Variants in FMN2 observed in about 807,000 individuals in gnomAD.
The protein encoded by FMN2 is formin 2, also known as formin-2.
In FMN2, 51 loss-of-function variants were observed where a neutral mutation model predicts 142.3. The ratio of observed to expected loss-of-function variants is 0.36; its 90% CI spans 0.29 to 0.45. The LOEUF (loss-of-function observed/expected upper bound fraction) is 0.45, where lower values mean the gene tolerates loss of function less well. Among genes scored for constraint, FMN2 ranks in the 20% least tolerant of loss-of-function variants. The pLI is 1.00. For missense variants in FMN2, 1,936 were observed against 2,122.8 expected (o/e 0.91, Z 1.73); for synonymous variants, 882 against 869.8 (o/e 1.01, Z -0.25).
At chr1:240,345,580 CTT>C (rs905985621) in intron 13 of FMN2, among the ~76,000 whole-genome samples, 5 of 152,110 alleles carry the variant, frequency 3.3e-5, no homozygotes, top group African/African-American at 1.2e-4. Context: ...AAGCAATTCT[CTT>C]GTCTTATCCT....
Position 240,438,809 on chromosome 1 carries a change from T to C in FMN2, c.5060+599T>C, listed in dbSNP as rs547173786. On this transcript the variant is annotated intron_variant, in intron 16 of 17. Transcript: ENST00000319653. ...AATTCCATAGAGGCATATTACATATTAAGTAATGAAGAAGGCTAGCCCTCC... is the reference window on the plus strand; with the variant it reads ...AATTCCATAGAGGCATATTACATATCAAGTAATGAAGAAGGCTAGCCCTCC... Among the ~76,000 whole-genome samples, 8 of 152,320 alleles carry C rather than the reference T, an allele frequency of 5.3e-5. No homozygotes were observed. In the South Asian group the frequency reaches 1.2e-3, roughly 24 times the overall value.
At chr1:240,222,858 G>A (rs1445550184) in intron 6 of FMN2, among the ~76,000 whole-genome samples, 1 of 152,214 alleles carries the variant, frequency 6.6e-6, no homozygotes, top group Non-Finnish European at 1.5e-5. Context: ...CTGAGACTTT[G>A]CTGAAGTTGC....
chr1:240,464,916 A>C (rs1050393947), intron 16 of FMN2, among the ~76,000 whole-genome samples: 1 of 152,178 alleles, frequency 6.6e-6, no homozygotes, highest in Non-Finnish European at 1.5e-5. Context: ...GTGCAAGCGC[A>C]GTGTTTTCTC....
At chr1:240,094,021 C>T (rs1661112190) in intron 1 of FMN2, among the ~76,000 whole-genome samples, 1 of 152,210 alleles carries the variant, frequency 6.6e-6, no homozygotes, top group Non-Finnish European at 1.5e-5. Context: ...TTTCGGGTCA[C>T]GCCAGGGAGA....
chr1:240,292,134 TA>T (rs1558415978), intron 7 of FMN2, among the ~76,000 whole-genome samples: 2 of 152,186 alleles, frequency 1.3e-5, no homozygotes, highest in Non-Finnish European at 2.9e-5. Flanking sequence ...CAGCATCTTG[TA>T]AAAATAATAT....
intron 1 of FMN2, among the ~76,000 whole-genome samples, chr1:240,106,878 T>C (rs185070834): frequency 6.9e-4 from 104 of 151,774 alleles, no homozygotes; most frequent in African/African-American, 2.4e-3. Context: ...GAGACGAGGT[T>C]TCACCATGTT....
In FMN2 at chr1:240,323,486, C is replaced by T. The variant is rs1042060730; in HGVS notation, c.4216-5590C>T. ...GCTGAGATTACAGGCGTGAGCCATG[C>T]CCCTGGCCCAGACCTTTGACCTTTT... On this transcript the variant is annotated intron_variant, in intron 8 of 17. Coordinates refer to ENST00000319653, the MANE Select transcript of FMN2 (RefSeq NM_020066.5). Among the ~76,000 whole-genome samples, 6 of 152,138 alleles carry T rather than the reference C, an allele frequency of 3.9e-5. No homozygotes were observed. In the East Asian group the frequency reaches 1.2e-3, roughly 29 times the overall value.
chr1:240,429,648 C>G (rs1209644970), intron 15 of FMN2, among the ~76,000 whole-genome samples: 1 of 152,146 alleles, frequency 6.6e-6, no homozygotes, highest in Non-Finnish European at 1.5e-5. Flanking sequence ...TATGCATGGA[C>G]TTTTATAAGT....
chr1:240,223,521 C>T (rs1667194084), intron 6 of FMN2, among the ~76,000 whole-genome samples: 1 of 152,256 alleles, frequency 6.6e-6, no homozygotes, highest in African/African-American at 2.4e-5. Context: ...GGCAGAGTCC[C>T]TCTTTTTCTA....
At chr1:240,228,531 A>G (rs1053065176) in intron 6 of FMN2, among the ~76,000 whole-genome samples, 1 of 152,026 alleles carries the variant, frequency 6.6e-6, no homozygotes, top group Non-Finnish European at 1.5e-5. Flanking sequence ...GAGAAAGGCC[A>G]TAGCTAGCAT....
chr1:240,204,126 GC>G (rs1232703823), intron 4 of FMN2, among the ~76,000 whole-genome samples: 2 of 151,742 alleles, frequency 1.3e-5, no homozygotes, highest in Non-Finnish European at 2.9e-5. Context: ...CATAGTAAGG[GC>G]TACTTCTTTT....
At chr1:240,268,347 A>G (rs1354630697) in intron 7 of FMN2, among the ~76,000 whole-genome samples, 4 of 152,234 alleles carry the variant, frequency 2.6e-5, no homozygotes, top group Middle Eastern at 6.8e-3. Flanking sequence ...ACAGATAAGT[A>G]TGAGAATTAT....
At position 240,383,607 on chromosome 1, in the gene FMN2, A is replaced by T. The variant is rs556897593; in HGVS notation, c.4859-8904A>T. ...CCAAAAACAGCAGAGGTAGACATGG[A>T]TGTGCAGAAAAGGGAATAGTTATAT... On this transcript the variant is annotated intron_variant, in intron 14 of 17. Transcript: ENST00000319653. Among the ~76,000 whole-genome samples, 3 of 152,276 alleles carry T rather than the reference A, an allele frequency of 2.0e-5. No individual in the cohort carries two copies. The South Asian group carries it at 6.2e-4, about 32-fold the overall frequency.
chr1:240,142,788 G>A, intron 2 of FMN2: 1 of 1,587,902 alleles, frequency 6.3e-7, no homozygotes, highest in Non-Finnish European at 8.6e-7. Context: ...CACTGGGGTT[G>A]TATGTGTCTG....
At chr1:240,215,141 G>T (rs562795561) in intron 6 of FMN2, among the ~76,000 whole-genome samples, 1 of 152,230 alleles carries the variant, frequency 6.6e-6, no homozygotes, top group African/African-American at 2.4e-5. Context: ...TTGATAATAA[G>T]GGTTGCATAG....
chr1:240,281,115 C>T (rs1187561950), intron 7 of FMN2, among the ~76,000 whole-genome samples: 1 of 152,136 alleles, frequency 6.6e-6, no homozygotes, highest in East Asian at 1.9e-4. Context: ...TGTATGAAGC[C>T]TACCGACTTA....
At chr1:240,337,100 T>TGGGA (rs1296632134) in intron 13 of FMN2, among the ~76,000 whole-genome samples, 1 of 151,764 alleles carries the variant, frequency 6.6e-6, no homozygotes, top group Non-Finnish European at 1.5e-5. Flanking sequence ...TCTGACTAAA[T>TGGGA]GGGAGTCAAA....
At chr1:240,387,789 C>T (rs1279225423) in intron 14 of FMN2, among the ~76,000 whole-genome samples, 1 of 152,154 alleles carries the variant, frequency 6.6e-6, no homozygotes, top group Non-Finnish European at 1.5e-5. Flanking sequence ...AATGCATCTC[C>T]ATCCTACTTT....
chr1:240,413,841 A>G (rs9661317), intron 15 of FMN2, among the ~76,000 whole-genome samples: 1,718 of 152,294 alleles, frequency 0.011, 38 homozygotes, highest in African/African-American at 0.037. Flanking sequence ...TAGCTTGCAA[A>G]TACTTCTATG....
Sources: gnomAD v4.1 joint callset for allele counts (sites outside exome capture counted in the v4.1 genomes callset) on GRCh38, gnomAD v4.1.1 for gene constraint, MANE v1.5 for transcripts, NCBI Gene and HGNC (gene_info 2026-07-23, HGNC 2026-07-21) for gene names.